The following BMPER variants were observed in gnomAD, a reference collection of about 807,000 sequenced individuals.
The protein encoded by BMPER is BMP-binding endothelial regulator protein.
Under a neutral mutation model 87.3 loss-of-function variants are expected in BMPER, and 45 were observed. The ratio of observed to expected loss-of-function variants is 0.52; its 90% confidence interval spans 0.41 to 0.66. BMPER has a LOEUF of 0.66. Among genes scored for constraint, BMPER ranks in the 30% least tolerant of loss-of-function variants. The pLI, the probability that BMPER is intolerant of heterozygous loss-of-function variation, is 0.00. For missense variants in BMPER, 784 were observed against 867.5 expected, an observed-to-expected ratio of 0.90 and a Z score of 1.21; for synonymous variants, 326 against 316.2, an observed-to-expected ratio of 1.03 and a Z score of -0.33.
chr7:33,936,822 G>A (rs1784614281), intron 2 of BMPER, among the ~76,000 whole-genome samples: 1 of 152,128 alleles, frequency 6.6e-6, no homozygotes, highest in Non-Finnish European at 1.5e-5. Context: ...TATTTGAGTT[G>A]GAACTTTAGA....
At chr7:34,077,096 TCCCA>T (rs1055926139) in intron 11 of BMPER, among the ~76,000 whole-genome samples, 1 of 152,088 alleles carries the variant, frequency 6.6e-6, no homozygotes, top group African/African-American at 2.4e-5. Context: ...CCACTTGGGG[TCCCA>T]AAGAACTGCC....
At chr7:34,039,558 G>A (rs1787775512) in intron 6 of BMPER, among the ~76,000 whole-genome samples, 1 of 151,672 alleles carries the variant, frequency 6.6e-6, no homozygotes, top group Non-Finnish European at 1.5e-5. Context: ...AATGTCAGGA[G>A]TGTGAAGGTT....
intron 13 of BMPER, among the ~76,000 whole-genome samples, chr7:34,101,197 T>C (rs1789673314): frequency 6.6e-6 from 1 of 152,244 alleles, no homozygotes. Flanking sequence ...TAATTATCTA[T>C]ATTTTAATAG....
chr7:34,020,886 A>C (rs1365286415), intron 6 of BMPER, among the ~76,000 whole-genome samples: 2 of 151,210 alleles, frequency 1.3e-5, no homozygotes, highest in Non-Finnish European at 2.9e-5. Context: ...ACACACACAC[A>C]CACACGCACG....
intron 2 of BMPER, among the ~76,000 whole-genome samples, chr7:33,931,623 C>A (rs915512785): frequency 6.6e-6 from 1 of 152,164 alleles, no homozygotes; most frequent in Non-Finnish European, 1.5e-5. Flanking sequence ...GGGGATACTT[C>A]AAGGAGAAGT....
chr7:33,996,261 G>C (rs938323832), intron 6 of BMPER, among the ~76,000 whole-genome samples: 12 of 152,062 alleles, frequency 7.9e-5, no homozygotes, highest in Admixed American at 2.6e-4. Context: ...TGGTTGTGAG[G>C]ATTTCATGGA....
chr7:34,046,662 C>T (rs916544507), intron 7 of BMPER, among the ~76,000 whole-genome samples: 24 of 152,132 alleles, frequency 1.6e-4, no homozygotes, highest in Non-Finnish European at 1.5e-5. Context: ...GGGTAATTCT[C>T]CCTTGTGGTG....
At chr7:34,005,316 A>G (rs1484204345) in intron 6 of BMPER, among the ~76,000 whole-genome samples, 1 of 152,150 alleles carries the variant, frequency 6.6e-6, no homozygotes, top group African/African-American at 2.4e-5. Flanking sequence ...GAGGGACAAG[A>G]TTAATGTAAG....
At chr7:34,080,634 T>C (rs1284268917) in intron 12 of BMPER, among the ~76,000 whole-genome samples, 1 of 152,192 alleles carries the variant, frequency 6.6e-6, no homozygotes, top group African/African-American at 2.4e-5. Context: ...GGCAAAGTTT[T>C]TTGGCTCCCT....
intron 13 of BMPER, among the ~76,000 whole-genome samples, chr7:34,140,835 G>A (rs545260431): frequency 6.6e-5 from 10 of 152,220 alleles, no homozygotes; most frequent in East Asian, 1.9e-4. Flanking sequence ...ACTCAAATCC[G>A]GGGACACATT....
chr7:34,015,288 G>T (rs1287106450), intron 6 of BMPER, among the ~76,000 whole-genome samples: 1 of 151,930 alleles, frequency 6.6e-6, no homozygotes, highest in African/African-American at 2.4e-5. Flanking sequence ...TTCCTCATCT[G>T]TAAAATAGAA....
chr7:33,923,722 A>G (rs897647321), intron 2 of BMPER, among the ~76,000 whole-genome samples: 10 of 152,196 alleles, frequency 6.6e-5, no homozygotes, highest in African/African-American at 2.2e-4. Flanking sequence ...TCATGCACAC[A>G]TTTATGTGTC....
rs374406581 is a variant in BMPER, at chr7:33,942,043, G to A, written c.319+4655G>A. On this transcript the variant is annotated intron_variant, in intron 3 of 14. Transcript: ENST00000649409. ...GGGTGCCAGGCAGAATGGGTGCAGGGCATGGCTCTATCAGCAAGCATATGG... is the reference window on the plus strand; with the variant it reads ...GGGTGCCAGGCAGAATGGGTGCAGGACATGGCTCTATCAGCAAGCATATGG... Among the ~76,000 whole-genome samples, 9 of 152,182 alleles carry A rather than the reference G, an allele frequency of 5.9e-5. No homozygotes were observed. In the East Asian group the frequency reaches 1.7e-3, roughly 29 times the overall value.
intron 13 of BMPER, among the ~76,000 whole-genome samples, chr7:34,133,023 GCT>G (rs1790633759): frequency 6.6e-6 from 1 of 152,152 alleles, no homozygotes. Context: ...CTGATACAGA[GCT>G]CCTAAGACCT....
chr7:34,060,203 C>A (rs1788399875), intron 10 of BMPER, among the ~76,000 whole-genome samples: 2 of 152,164 alleles, frequency 1.3e-5, no homozygotes, highest in Admixed American at 6.5e-5. Flanking sequence ...TTAGTGATAT[C>A]ATCACTGCCA....
chr7:34,092,631 C>T (rs370750465), intron 13 of BMPER, among the ~76,000 whole-genome samples: 1 of 152,178 alleles, frequency 6.6e-6, no homozygotes, highest in African/African-American at 2.4e-5. Flanking sequence ...ATCTTTCATT[C>T]GTTCTTCTCC....
intron 8 of BMPER, among the ~76,000 whole-genome samples, chr7:34,054,191 T>C (rs1788217934): frequency 6.6e-6 from 1 of 152,202 alleles, no homozygotes; most frequent in Admixed American, 6.5e-5. Context: ...GAAGTACATT[T>C]ATCCATCTCT....
chr7:33,997,212 T>G (rs1452665973), intron 6 of BMPER, among the ~76,000 whole-genome samples: 1 of 152,166 alleles, frequency 6.6e-6, no homozygotes. Context: ...CTGCTTCAGA[T>G]TTTCTAATGG....
chr7:33,917,104 T>A (rs1372285932), intron 2 of BMPER, among the ~76,000 whole-genome samples: 1 of 152,156 alleles, frequency 6.6e-6, no homozygotes, highest in African/African-American at 2.4e-5. Flanking sequence ...AAAGCAGAAA[T>A]GTCCCTGACA....
Sources: gnomAD v4.1 joint callset for allele counts (sites outside exome capture counted in the v4.1 genomes callset) on GRCh38, gnomAD v4.1.1 for gene constraint, MANE v1.5 for transcripts, NCBI Gene and HGNC (gene_info 2026-07-23, HGNC 2026-07-21) for gene names.